Variants in FOCAD observed in about 807,000 individuals in gnomAD.
FOCAD encodes the protein KIAA1797.
A neutral mutation model predicts 225.6 loss-of-function variants in FOCAD; 198 were observed. The observed-to-expected ratio is 0.88, with a 90% CI of 0.78 to 0.99. The LOEUF (loss-of-function observed/expected upper bound fraction) is 0.99. FOCAD is among the 50% of genes least tolerant of loss of function. The pLI, the probability that FOCAD is intolerant of heterozygous loss-of-function variation, is 0.00. For missense variants in FOCAD, 2,713 were observed against 2,123.6 expected (o/e 1.28, Z -5.46); for synonymous variants, 897 against 755.0 (o/e 1.19, Z -3.08).
chr9:20,759,381 A>G (rs1829358338), intron 6 of FOCAD, among the ~76,000 whole-genome samples: 1 of 152,230 alleles, frequency 6.6e-6, no homozygotes, highest in Admixed American at 6.5e-5. Flanking sequence ...TCAATGGAAC[A>G]GAACAGAGCC....
upstream of FOCAD, among the ~76,000 whole-genome samples, chr9:20,680,957 C>A (rs1822382612): frequency 6.6e-6 from 1 of 152,118 alleles, no homozygotes; most frequent in South Asian, 2.1e-4. Flanking sequence ...ATGATCGTGT[C>A]ACTGTACCCC....
chr9:20,751,970 C>T (rs1410421655), intron 5 of FOCAD, among the ~76,000 whole-genome samples: 1 of 144,852 alleles, frequency 6.9e-6, no homozygotes, highest in African/African-American at 2.5e-5. Context: ...TGAGAAGTGT[C>T]TGTTCATGTC....
At chr9:20,882,681 G>A (rs1432005961) in intron 20 of FOCAD, among the ~76,000 whole-genome samples, 3 of 152,232 alleles carry the variant, frequency 2.0e-5, no homozygotes, top group Non-Finnish European at 4.4e-5. Flanking sequence ...AGAAGCTGGT[G>A]AGGAGGTGGA....
intron 4 of FOCAD, among the ~76,000 whole-genome samples, chr9:20,732,133 G>T (rs1046593340): frequency 3.3e-5 from 5 of 152,062 alleles, no homozygotes; most frequent in African/African-American, 1.2e-4. Flanking sequence ...GTATTTCTGT[G>T]CTAGGTGCTG....
chr9:20,725,605 G>A (rs1229662803), intron 4 of FOCAD, among the ~76,000 whole-genome samples: 1 of 152,192 alleles, frequency 6.6e-6, no homozygotes, highest in African/African-American at 2.4e-5. Flanking sequence ...CTTATAACTT[G>A]CTCCTTCATC....
chr9:20,798,379 A>T (rs1821377216), intron 11 of FOCAD, among the ~76,000 whole-genome samples: 1 of 152,038 alleles, frequency 6.6e-6, no homozygotes, highest in Admixed American at 6.5e-5. Context: ...GTTAGGGAGG[A>T]TTCCCTCTTT....
intron 42 of FOCAD, among the ~76,000 whole-genome samples, chr9:20,991,812 CA>C (rs58403366): frequency 0.32 from 33,159 of 105,016 alleles, 3,077 homozygotes; most frequent in East Asian, 0.41. Flanking sequence ...GACTCTGTCT[CA>C]AAAAAAAAAA....
chr9:20,927,018 A>G (rs1356211344), intron 26 of FOCAD, among the ~76,000 whole-genome samples: 1 of 91,724 alleles, frequency 1.1e-5, no homozygotes, highest in Non-Finnish European at 2.7e-5. Flanking sequence ...ATATATGTAT[A>G]GACATATATA....
intron 1 of FOCAD, among the ~76,000 whole-genome samples, chr9:20,695,598 G>T (rs1421296292): frequency 6.6e-6 from 1 of 152,162 alleles, no homozygotes; most frequent in Admixed American, 6.5e-5. Context: ...CTTGTAAAGA[G>T]ATATGAAATG....
In FOCAD at chr9:20,706,075, C is replaced by T. The variant is rs547985843; in HGVS notation, c.-32-9247C>T. 3.2e-4 allele frequency among the ~76,000 whole-genome samples: 48 copies of T among 151,718 alleles called. No individual in the cohort carries two copies. The South Asian group carries it at 5.2e-3, about 16-fold the overall frequency. On this transcript the variant is annotated intron_variant, in intron 1 of 43. Transcript: ENST00000338382. ...TCAGCCTCCCAAGTAGCTGTTTCTA[C>T]GGGCATGAGCCACCATACCCGGCTA...
At position 20,707,298 on chromosome 9, in the gene FOCAD, A is replaced by G. The variant is rs1240496599; in HGVS notation, c.-32-8024A>G. On this transcript the variant is annotated intron_variant, in intron 1 of 43. Transcript: ENST00000338382. Reference sequence around the variant, plus strand: ...CTGGGTTTAATTTTAATGTGTCTTAATGGTCTCTCTGAGAATATAATAACT... The same window carrying G: ...CTGGGTTTAATTTTAATGTGTCTTAGTGGTCTCTCTGAGAATATAATAACT... Among the ~76,000 whole-genome samples, 10 of 152,140 alleles carry G rather than the reference A, an allele frequency of 6.6e-5. 1 individual carries two copies. In the East Asian group the frequency reaches 1.9e-3, roughly 29 times the overall value.
chr9:20,981,476 C>T lies in FOCAD; in HGVS notation c.4428C>T (p.His1476=), dbSNP rs1265610020. Residue 1476 remains histidine (H), a synonymous_variant, in exon 38 of 44, where the codon CAC becomes CAT. Coordinates refer to ENST00000338382, the MANE Select transcript of FOCAD (RefSeq NM_001375567.1). ...LLISAPLWIK[H]ISDEQILGFV... ...TATCTGCACCTCTGTGGATAAAACA[C>T]ATCTCTGATGAACAGATCCTGGGTT... 3.7e-6 allele frequency: 6 copies of T among 1,614,142 alleles called. No individual in the cohort carries two copies. Among genetic ancestry groups the T allele is most frequent in the Non-Finnish European group, 4.2e-6 (5 of 1,179,988 alleles).
At chr9:20,912,110 C>G (rs1292885845) in intron 22 of FOCAD, among the ~76,000 whole-genome samples, 2 of 152,114 alleles carry the variant, frequency 1.3e-5, no homozygotes, top group African/African-American at 4.8e-5. Context: ...ACATCTACTT[C>G]TGATAATGGT....
chr9:20,889,080 A>G (rs916158363), intron 21 of FOCAD, among the ~76,000 whole-genome samples: 6 of 152,178 alleles, frequency 3.9e-5, no homozygotes, highest in African/African-American at 1.2e-4. Flanking sequence ...CAATTTTAGA[A>G]CAATTTCATT....
chr9:20,973,664 C>A (rs971751524), intron 35 of FOCAD, among the ~76,000 whole-genome samples: 1 of 151,062 alleles, frequency 6.6e-6, no homozygotes, highest in Non-Finnish European at 1.5e-5. Context: ...CTATGCTTCT[C>A]ATTTCTGCTG....
chr9:20,774,861 G>T (rs1818602397), intron 8 of FOCAD, among the ~76,000 whole-genome samples: 2 of 152,104 alleles, frequency 1.3e-5, no homozygotes, highest in African/African-American at 4.8e-5. Context: ...ACAATTAGTA[G>T]AACTGTTGAA....
At chr9:20,778,110 A>AT (rs1818973146) in intron 8 of FOCAD, among the ~76,000 whole-genome samples, 1 of 147,072 alleles carries the variant, frequency 6.8e-6, no homozygotes, top group Non-Finnish European at 1.5e-5. Flanking sequence ...AAAAAAAAAA[A>AT]AAAGATTGAC....
intron 11 of FOCAD, among the ~76,000 whole-genome samples, chr9:20,790,263 T>C (rs1490598886): frequency 1.3e-5 from 2 of 152,216 alleles, no homozygotes; most frequent in African/African-American, 4.8e-5. Flanking sequence ...ACTTTTTTTT[T>C]CTCCAATTGA....
intron 11 of FOCAD, among the ~76,000 whole-genome samples, chr9:20,801,072 T>C (rs146016274): frequency 8.5e-5 from 13 of 152,280 alleles, no homozygotes; most frequent in Non-Finnish European, 1.6e-4. Context: ...TAACAGTCAG[T>C]ACCCTCAACT....
Sources: gnomAD v4.1 joint callset for allele counts (sites outside exome capture counted in the v4.1 genomes callset) on GRCh38, gnomAD v4.1.1 for gene constraint, MANE v1.5 for transcripts, NCBI Gene and HGNC (gene_info 2026-07-23, HGNC 2026-07-21) for gene names.